The following DTNA variants were observed in gnomAD, a reference collection of about 807,000 sequenced individuals.
DTNA encodes dystrophin-related protein 3.
A neutral mutation model predicts 100.7 loss-of-function variants in DTNA; 43 were observed. The ratio of observed to expected loss-of-function variants is 0.43; its 90% CI spans 0.33 to 0.55. The LOEUF (loss-of-function observed/expected upper bound fraction) is 0.55, where lower values mean the gene tolerates loss of function less well. Ranked by LOEUF, DTNA falls within the 20% of genes least tolerant of loss-of-function variation. The pLI is 0.04. For synonymous variants in DTNA, 349 were observed against 347.9 expected (o/e 1.00, Z -0.04); for missense variants, 798 against 953.9 (o/e 0.84, Z 2.15).
intron 1 of DTNA, among the ~76,000 whole-genome samples, chr18:34,509,907 A>G (rs970424671): frequency 2.6e-5 from 4 of 152,126 alleles, no homozygotes; most frequent in African/African-American, 7.2e-5. Flanking sequence ...ATCCTTGTAT[A>G]GACAAGGAGG....
At chr18:34,728,196 A>C (rs1162820357) in intron 1 of DTNA, among the ~76,000 whole-genome samples, 1 of 152,204 alleles carries the variant, frequency 6.6e-6, no homozygotes, top group African/African-American at 2.4e-5. Flanking sequence ...TGTTAATAGT[A>C]TGGTTTTTAT....
chr18:34,571,284 C>T (rs953258204), intron 1 of DTNA, among the ~76,000 whole-genome samples: 13 of 152,174 alleles, frequency 8.5e-5, no homozygotes, highest in African/African-American at 3.1e-4. Context: ...CTTTAAGTCT[C>T]ATCAGTATTT....
chr18:34,552,232 G>A (rs777892189), intron 1 of DTNA, among the ~76,000 whole-genome samples: 4 of 151,950 alleles, frequency 2.6e-5, no homozygotes, highest in Non-Finnish European at 5.9e-5. Flanking sequence ...TTTGAAAGGT[G>A]CATTTAATGA....
At chr18:34,556,962 G>A (rs1024294088) in intron 1 of DTNA, among the ~76,000 whole-genome samples, 12 of 148,180 alleles carry the variant, frequency 8.1e-5, no homozygotes, top group Non-Finnish European at 4.5e-5. Context: ...ATCCTGCAGA[G>A]TGTTTTCCAA....
At chr18:34,740,086 C>T (rs1226352329) in intron 1 of DTNA, among the ~76,000 whole-genome samples, 3 of 152,182 alleles carry the variant, frequency 2.0e-5, no homozygotes, top group African/African-American at 7.2e-5. Flanking sequence ...ATATATTCAT[C>T]ACATATAATA....
intron 3 of DTNA, among the ~76,000 whole-genome samples, chr18:34,771,176 A>G (rs979894514): frequency 2.0e-5 from 3 of 152,178 alleles, no homozygotes; most frequent in Non-Finnish European, 4.4e-5. Context: ...TTGGTCCACA[A>G]AAAGAATGTT....
intron 1 of DTNA, among the ~76,000 whole-genome samples, chr18:34,554,585 G>T (rs964551214): frequency 2.2e-5 from 3 of 139,502 alleles, no homozygotes; most frequent in East Asian, 1.9e-4. Flanking sequence ...TTAGCATGAA[G>T]GGTTGTTGAA....
intron 2 of DTNA, among the ~76,000 whole-genome samples, chr18:34,760,509 A>G (rs998951809): frequency 6.6e-6 from 1 of 152,228 alleles, no homozygotes; most frequent in Non-Finnish European, 1.5e-5. Context: ...CACATAAACT[A>G]AACTTCCCTT....
intron 1 of DTNA, among the ~76,000 whole-genome samples, chr18:34,615,180 G>A (rs1294319187): frequency 6.6e-6 from 1 of 152,106 alleles, no homozygotes; most frequent in African/African-American, 2.4e-5. Context: ...AGCAGGAGCA[G>A]GCACAACACA....
chr18:34,612,065 C>G (rs1484881489), intron 1 of DTNA, among the ~76,000 whole-genome samples: 1 of 152,170 alleles, frequency 6.6e-6, no homozygotes, highest in East Asian at 1.9e-4. Flanking sequence ...TCAACTGCAG[C>G]CAGCTGACAC....
intron 13 of DTNA, among the ~76,000 whole-genome samples, chr18:34,845,540 T>A (rs1192781136): frequency 6.6e-6 from 1 of 152,166 alleles, no homozygotes; most frequent in Non-Finnish European, 1.5e-5. Flanking sequence ...ATCATGTTCC[T>A]GGGCCTGGAG....
upstream of DTNA, among the ~76,000 whole-genome samples, chr18:34,706,611 C>T (rs2082154776): frequency 6.6e-6 from 1 of 152,050 alleles, no homozygotes; most frequent in South Asian, 2.1e-4. Flanking sequence ...CCATCAATTT[C>T]ATAGTGTTAT....
At chr18:34,764,920 T>C (rs190467813) in intron 2 of DTNA, among the ~76,000 whole-genome samples, 177 of 152,332 alleles carry the variant, frequency 1.2e-3, no homozygotes, top group Admixed American at 3.1e-3. Flanking sequence ...CAGACATTTA[T>C]TGATAGTCTA....
chr18:34,824,205 G>A (rs901953414), intron 9 of DTNA, among the ~76,000 whole-genome samples: 1 of 152,336 alleles, frequency 6.6e-6, no homozygotes, highest in Non-Finnish European at 1.5e-5. Context: ...GCCAGGCACA[G>A]TGGCTCACGC....
At chr18:34,765,519 A>G (rs1001055317) in intron 2 of DTNA, among the ~76,000 whole-genome samples, 1 of 152,208 alleles carries the variant, frequency 6.6e-6, no homozygotes, top group Non-Finnish European at 1.5e-5. Context: ...CAATTGGCCT[A>G]AGGGCACACA....
intron 1 of DTNA, among the ~76,000 whole-genome samples, chr18:34,537,232 T>C (rs548985473): frequency 3.3e-5 from 5 of 152,158 alleles, no homozygotes; most frequent in African/African-American, 1.2e-4. Flanking sequence ...AAGTTACTGT[T>C]AACTCAAAAC....
chr18:34,877,910 T>G (rs1008972462), intron 19 of DTNA, 102 bp downstream of exon 19: 7 of 1,032,008 alleles, frequency 6.8e-6, no homozygotes, highest in Non-Finnish European at 1.0e-5. Flanking sequence ...TATCAAAAGA[T>G]TCTTTAAAGC....
intron 9 of DTNA, among the ~76,000 whole-genome samples, chr18:34,822,868 A>G (rs893514979): frequency 6.6e-6 from 1 of 152,062 alleles, no homozygotes; most frequent in African/African-American, 2.4e-5. Context: ...ACCTCTATGT[A>G]TTTTACCAGA....
intron 1 of DTNA, among the ~76,000 whole-genome samples, chr18:34,735,067 T>C (rs2089253578): frequency 6.6e-6 from 1 of 151,830 alleles, no homozygotes; most frequent in Admixed American, 6.6e-5. Flanking sequence ...CACATACACA[T>C]ATATATATAC....
Sources: gnomAD v4.1 joint callset for allele counts (sites outside exome capture counted in the v4.1 genomes callset) on GRCh38, gnomAD v4.1.1 for gene constraint, MANE v1.5 for transcripts, NCBI Gene and HGNC (gene_info 2026-07-23, HGNC 2026-07-21) for gene names.